Variants in SSH2 observed in about 807,000 individuals in gnomAD.
SSH2 encodes protein phosphatase Slingshot homolog 2.
Under a neutral mutation model 135.2 loss-of-function variants are expected in SSH2, and 37 were observed. The ratio of observed to expected loss-of-function variants is 0.27; its 90% CI spans 0.21 to 0.36. The LOEUF is 0.36. SSH2 is among the 10% of genes least tolerant of loss of function. SSH2 has a pLI of 1.00. For synonymous variants in SSH2, 628 were observed against 646.2 expected, an observed-to-expected ratio of 0.97 and a Z score of 0.43; for missense variants, 1,408 against 1,765.3, an observed-to-expected ratio of 0.80 and a Z score of 3.63.
intron 3 of SSH2, among the ~76,000 whole-genome samples, chr17:29,738,538 T>A (rs999197675): frequency 2.0e-5 from 3 of 151,636 alleles, no homozygotes; most frequent in Admixed American, 2.0e-4. Flanking sequence ...ATTTTCTTTT[T>A]TTTTCTTTTT....
intron 11 of SSH2, among the ~76,000 whole-genome samples, chr17:29,661,061 C>CAAAAAAAAAAAAAAAAAA (rs374216221): frequency 1.0e-4 from 5 of 48,356 alleles, no homozygotes; most frequent in African/African-American, 3.4e-4. Context: ...AATTCCATCT[C>CAAAAAAAAAAAAAAAAAA]AAAAAAAAAA....
At chr17:29,887,457 A>G (rs2066260228) in intron 1 of SSH2, among the ~76,000 whole-genome samples, 1 of 152,200 alleles carries the variant, frequency 6.6e-6, no homozygotes, top group Non-Finnish European at 1.5e-5. Context: ...AAGAAGGGTA[A>G]GGCAGGCCAA....
At chr17:29,674,279 A>C in intron 8 of SSH2, 1 of 431,022 alleles carries the variant, frequency 2.3e-6, no homozygotes, top group South Asian at 1.7e-5. Context: ...AGTCTTTTAA[A>C]AATGCTTTAT....
intron 3 of SSH2, among the ~76,000 whole-genome samples, chr17:29,722,065 A>C (rs577743825): frequency 6.4e-4 from 98 of 152,236 alleles, no homozygotes; most frequent in African/African-American, 2.2e-3. Context: ...TCACGAGGTC[A>C]GGAGTTCAAG....
At chr17:29,809,065 C>A (rs1340598697) in intron 2 of SSH2, among the ~76,000 whole-genome samples, 10 of 152,016 alleles carry the variant, frequency 6.6e-5, no homozygotes, top group Admixed American at 6.6e-4. Context: ...ACCAGCCTGG[C>A]CAACATGGCA....
intron 2 of SSH2, among the ~76,000 whole-genome samples, chr17:29,842,312 A>C (rs1377682538): frequency 6.6e-6 from 1 of 151,764 alleles, no homozygotes; most frequent in African/African-American, 2.4e-5. Context: ...AAATTAGCTG[A>C]GTGTCATGGC....
intron 14 of SSH2, among the ~76,000 whole-genome samples, chr17:29,639,961 C>G (rs2036078611): frequency 6.6e-6 from 1 of 152,206 alleles, no homozygotes; most frequent in African/African-American, 2.4e-5. Context: ...TAGGACAATG[C>G]CTGGGATGCA....
chr17:29,711,184 A>T (rs2039420400), intron 3 of SSH2, among the ~76,000 whole-genome samples: 1 of 152,224 alleles, frequency 6.6e-6, no homozygotes, highest in African/African-American at 2.4e-5. Flanking sequence ...GTTCCAGCTC[A>T]TCTTCCACTT....
At chr17:29,654,222 G>A (rs749508923) in intron 12 of SSH2, among the ~76,000 whole-genome samples, 37 of 152,288 alleles carry the variant, frequency 2.4e-4, no homozygotes, top group Non-Finnish European at 4.9e-4. Flanking sequence ...ACAGCTCTGA[G>A]CTAGGTAGAT....
intron 1 of SSH2, among the ~76,000 whole-genome samples, chr17:29,904,042 G>C (rs1019879200): frequency 2.6e-5 from 4 of 152,166 alleles, no homozygotes; most frequent in East Asian, 1.9e-4. Flanking sequence ...CCCAGGACCA[G>C]ATGGATTCAC....
At chr17:29,846,931 G>C (rs552379269) in intron 2 of SSH2, among the ~76,000 whole-genome samples, 48 of 152,270 alleles carry the variant, frequency 3.2e-4, no homozygotes, top group Non-Finnish European at 6.6e-4. Context: ...AAGAGATCAA[G>C]TCAAGTAAAA....
At chr17:29,839,360 T>C (rs2043000798) in intron 2 of SSH2, among the ~76,000 whole-genome samples, 1 of 152,172 alleles carries the variant, frequency 6.6e-6, no homozygotes, top group East Asian at 1.9e-4. Context: ...AGAGCAAAAG[T>C]TGGGCAAAGG....
intron 3 of SSH2, among the ~76,000 whole-genome samples, chr17:29,782,622 G>C (rs2041863600): frequency 1.3e-5 from 2 of 151,472 alleles, no homozygotes; most frequent in Non-Finnish European, 2.9e-5. Flanking sequence ...GTCTCATTCT[G>C]TCGCCCAGGC....
chr17:29,826,603 T>C (rs1389963725), intron 2 of SSH2, among the ~76,000 whole-genome samples: 2 of 152,246 alleles, frequency 1.3e-5, no homozygotes, highest in East Asian at 3.8e-4. Flanking sequence ...GACTTTGCTT[T>C]CTTCTTATTC....
chr17:29,779,106 G>C (rs1354486579), intron 3 of SSH2, among the ~76,000 whole-genome samples: 1 of 151,926 alleles, frequency 6.6e-6, no homozygotes, highest in African/African-American at 2.4e-5. Flanking sequence ...TCTAACGGAA[G>C]GAAGGAAGGA....
chr17:29,728,627 C>A (rs2040079517), intron 3 of SSH2, among the ~76,000 whole-genome samples: 1 of 152,186 alleles, frequency 6.6e-6, no homozygotes, highest in South Asian at 2.1e-4. Context: ...CCGGAGGAAT[C>A]ACATTGTCTG....
In SSH2 at chr17:29,630,879, T is replaced by C. The variant is rs759182770; in HGVS notation, c.4315A>G (p.Lys1439Glu). Residue 1439 changes from lysine to glutamate, a missense_variant, in exon 16 of 16, where the codon AAA (lysine) becomes GAA (glutamate). By Grantham distance (56) the Lys-to-Glu change is moderately conservative. Around this residue, in one of 3 missense-constraint regions of SSH2, gnomAD observed 1,080 missense variants for 1,144.5 expected, o/e 0.94. Coordinates refer to ENST00000540801, the MANE Select transcript of SSH2 (RefSeq NM_001282129.2). ...TAGAAGGGGTTGGTTGTCCGTTTTT[T>C]GTCATTTGCCTTTTTCAGTCTCCTA... Reference protein sequence around the residue: ...PLRRLKKANDKKRTTNPFYNT... With the variant: ...PLRRLKKANDEKRTTNPFYNT... The C allele has an allele frequency of 6.4e-6, 10 of 1,572,282 alleles. No individual in the cohort carries two copies. Among genetic ancestry groups the C allele is most frequent in the Middle Eastern group, 1.7e-4 (1 of 5,858 alleles).
At chr17:29,642,948 G>A (rs983305403) in intron 14 of SSH2, among the ~76,000 whole-genome samples, 6 of 152,190 alleles carry the variant, frequency 3.9e-5, no homozygotes, top group African/African-American at 1.2e-4. Flanking sequence ...TGGAGCTACC[G>A]AATGCTAGGA....
intron 3 of SSH2, among the ~76,000 whole-genome samples, chr17:29,758,947 A>G (rs1044541492): frequency 6.6e-6 from 1 of 152,124 alleles, no homozygotes; most frequent in African/African-American, 2.4e-5. Context: ...ACAGAGTCTC[A>G]GTATGTTACC....
Sources: allele counts gnomAD v4.1 joint callset (sites outside exome capture counted in the v4.1 genomes callset), GRCh38; gene constraint gnomAD v4.1.1; regional missense constraint gnomAD v4.1.1; transcripts MANE v1.5; gene names NCBI Gene and HGNC (gene_info 2026-07-23, HGNC 2026-07-21).